WWOX: variants seen among roughly 807,000 people sequenced by gnomAD.
WWOX encodes WW domain containing oxidoreductase, also known as WW domain-containing oxidoreductase.
A neutral mutation model predicts 46.2 loss-of-function variants in WWOX; 69 were observed. The ratio of observed to expected loss-of-function variants is 1.49; its 90% CI spans 1.23 to 1.82. The LOEUF (loss-of-function observed/expected upper bound fraction) is 1.82, where lower values mean the gene tolerates loss of function less well. Ranked by LOEUF, WWOX falls within the 40% of genes most tolerant of loss-of-function variation. The pLI is 0.00. For missense variants in WWOX, 919 were observed against 542.6 expected (o/e 1.69, Z -6.89); for synonymous variants, 359 against 202.6 (o/e 1.77, Z -6.56).
At chr16:78,740,202 A>G (rs1017115705) in intron 8 of WWOX, among the ~76,000 whole-genome samples, 12 of 152,166 alleles carry the variant, frequency 7.9e-5, no homozygotes, top group African/African-American at 2.9e-4. Flanking sequence ...ATCAGCCTGA[A>G]GTTGAAGAAA....
chr16:78,725,213 T>C (rs1312278523), intron 8 of WWOX, among the ~76,000 whole-genome samples: 1 of 152,192 alleles, frequency 6.6e-6, no homozygotes, highest in Admixed American at 6.5e-5. Flanking sequence ...TGATGTGCCT[T>C]TCGCTTTGCA....
At chr16:78,765,524 C>A (rs1052213188) in intron 8 of WWOX, among the ~76,000 whole-genome samples, 5 of 152,042 alleles carry the variant, frequency 3.3e-5, no homozygotes, top group Non-Finnish European at 7.4e-5. Flanking sequence ...ACTAAAAGTA[C>A]AAAAATTAGC....
rs1435071818 is a variant in WWOX, at chr16:78,729,250, G to A, written c.1056+296498G>A. 4.6e-5 allele frequency among the ~76,000 whole-genome samples: 7 copies of A among 151,904 alleles called. No individual in the cohort carries two copies. In the East Asian group the frequency reaches 1.4e-3, roughly 29 times the overall value. On this transcript the variant is annotated intron_variant, in intron 8 of 8. Coordinates refer to ENST00000566780, the MANE Select transcript of WWOX (RefSeq NM_016373.4). ...CCAGCTATTTGGGAGGCTGAGGTGG[G>A]AGGATTGCTTAAGCCTGGGAGATTG...
intron 8 of WWOX, among the ~76,000 whole-genome samples, chr16:78,652,123 T>C (rs2046978380): frequency 6.6e-6 from 1 of 151,782 alleles, no homozygotes; most frequent in Non-Finnish European, 1.5e-5. Context: ...ACTTAAAAGA[T>C]GTTTGGGGCT....
chr16:78,137,429 G>T (rs879685708), intron 4 of WWOX, among the ~76,000 whole-genome samples: 2 of 152,194 alleles, frequency 1.3e-5, no homozygotes, highest in Admixed American at 6.5e-5. Context: ...AGAGTTGTGA[G>T]AATTCGACAA....
chr16:78,899,855 T>C (rs2044785397), intron 8 of WWOX, among the ~76,000 whole-genome samples: 1 of 152,188 alleles, frequency 6.6e-6, no homozygotes, highest in Admixed American at 6.5e-5. Flanking sequence ...GCTCCTAAGG[T>C]TCAGGTATTA....
chr16:78,195,205 G>T (rs1449287473), intron 5 of WWOX, among the ~76,000 whole-genome samples: 2 of 152,082 alleles, frequency 1.3e-5, no homozygotes, highest in Non-Finnish European at 2.9e-5. Context: ...CATCTGGGAG[G>T]GACAGCTTGA....
intron 8 of WWOX, among the ~76,000 whole-genome samples, chr16:78,745,803 G>T (rs1015693072): frequency 1.3e-5 from 2 of 151,348 alleles, no homozygotes; most frequent in African/African-American, 4.9e-5. Context: ...CAGAGTTGAG[G>T]GTGGGTGGGT....
intron 8 of WWOX, among the ~76,000 whole-genome samples, chr16:78,492,798 G>C (rs947487069): frequency 6.6e-6 from 1 of 152,142 alleles, no homozygotes; most frequent in Non-Finnish European, 1.5e-5. Flanking sequence ...ACCATTTGTA[G>C]CCTTTTGACA....
At chr16:78,515,980 C>T (rs1490718192) in intron 8 of WWOX, among the ~76,000 whole-genome samples, 1 of 152,142 alleles carries the variant, frequency 6.6e-6, no homozygotes, top group Non-Finnish European at 1.5e-5. Context: ...TCTCTCCTTC[C>T]ATCCCCCCTT....
intron 5 of WWOX, among the ~76,000 whole-genome samples, chr16:78,259,034 C>T (rs1160570289): frequency 3.3e-5 from 5 of 152,164 alleles, no homozygotes; most frequent in East Asian, 1.9e-4. Flanking sequence ...TTTAAGAACT[C>T]ATAAAGTAAT....
chr16:78,603,365 C>T (rs1444679444), intron 8 of WWOX, among the ~76,000 whole-genome samples: 1 of 152,180 alleles, frequency 6.6e-6, no homozygotes, highest in Non-Finnish European at 1.5e-5. Flanking sequence ...GATGAACGCC[C>T]CCACTGGGTG....
chr16:78,183,233 C>T (rs1227384954), intron 5 of WWOX, among the ~76,000 whole-genome samples: 1 of 152,072 alleles, frequency 6.6e-6, no homozygotes, highest in Non-Finnish European at 1.5e-5. Context: ...TAATATCTAC[C>T]ACCCACTAGG....
At chr16:78,975,758 G>A (rs777696821) in intron 8 of WWOX, among the ~76,000 whole-genome samples, 9 of 152,154 alleles carry the variant, frequency 5.9e-5, no homozygotes, top group Admixed American at 1.3e-4. Context: ...TTGGGCAAGC[G>A]GAGGTCATGA....
At chr16:78,628,322 C>T (rs1221045354) in intron 8 of WWOX, among the ~76,000 whole-genome samples, 1 of 152,112 alleles carries the variant, frequency 6.6e-6, no homozygotes, top group Non-Finnish European at 1.5e-5. Flanking sequence ...GTTTCAGAAT[C>T]TCAGCCTTCC....
chr16:78,944,807 T>G (rs1260078229), intron 8 of WWOX, among the ~76,000 whole-genome samples: 1 of 152,164 alleles, frequency 6.6e-6, no homozygotes, highest in African/African-American at 2.4e-5. Context: ...TTGGAGAGGT[T>G]CCTTGACATT....
chr16:78,810,937 A>G (rs1221028078), intron 8 of WWOX, among the ~76,000 whole-genome samples: 1 of 150,108 alleles, frequency 6.7e-6, no homozygotes, highest in Non-Finnish European at 1.5e-5. Flanking sequence ...AAAATACTGC[A>G]GGCAGAGCTG....
At chr16:78,831,824 C>G (rs747875955) in intron 8 of WWOX, among the ~76,000 whole-genome samples, 5 of 152,162 alleles carry the variant, frequency 3.3e-5, no homozygotes, top group Admixed American at 6.5e-5. Flanking sequence ...CATGTCAAGC[C>G]AAGCTAGAGT....
At chr16:78,210,548 C>G (rs974554439) in intron 5 of WWOX, among the ~76,000 whole-genome samples, 2 of 152,124 alleles carry the variant, frequency 1.3e-5, no homozygotes, top group African/African-American at 4.8e-5. Flanking sequence ...CTTTCTCTGT[C>G]TCTCATAAGG....
Sources: gnomAD v4.1 joint callset for allele counts (sites outside exome capture counted in the v4.1 genomes callset) on GRCh38, gnomAD v4.1.1 for gene constraint, MANE v1.5 for transcripts, NCBI Gene and HGNC (gene_info 2026-07-23, HGNC 2026-07-21) for gene names.